Variants in RGS5 observed in about 807,000 individuals in gnomAD.
RGS5 encodes regulator of G protein signaling 5, also known as regulator of G-protein signalling 5.
Under a neutral mutation model 18.9 loss-of-function variants are expected in RGS5, and 20 were observed. That is an observed-to-expected ratio of 1.06 (90% CI 0.74 to 1.54). The LOEUF (loss-of-function observed/expected upper bound fraction) is 1.54. Among genes scored for constraint, RGS5 ranks in the 40% most tolerant of loss-of-function variants. The probability of loss-of-function intolerance (pLI) is 0.00; values close to 1 mark genes in which losing one functional copy is unlikely to be tolerated. For synonymous variants in RGS5, 57 were observed against 76.2 expected (o/e 0.75, Z 1.31); for missense variants, 201 against 211.8 (o/e 0.95, Z 0.32).
chr1:163,168,124 C>A, intron 2 of RGS5, 134 bp downstream of exon 2: 1 of 601,724 alleles, frequency 1.7e-6, no homozygotes, highest in Non-Finnish European at 2.9e-6. Flanking sequence ...CTTTGCAAAC[C>A]AACTCTCTGA....
At position 163,222,846 on chromosome 1, in the gene RGS5, T is replaced by C. The variant is rs937433571; in HGVS notation, c.-280-54478A>G. ...AAGCAAAATTTTAGTGAGCTGCTTC[T>C]CTATTTATTTTTTTATTTATTTATA... On this transcript the variant is annotated intron_variant, in intron 2 of 5. Transcript: ENST00000618415. Among the ~76,000 whole-genome samples the C allele has an allele frequency of 4.6e-5, 7 of 152,050 alleles. No homozygotes were observed. The East Asian group carries it at 5.8e-4, about 13-fold the overall frequency.
intron 1 of RGS5, among the ~76,000 whole-genome samples, chr1:163,177,885 T>C (rs1345709230): frequency 6.6e-6 from 1 of 152,150 alleles, no homozygotes; most frequent in African/African-American, 2.4e-5. Flanking sequence ...CAAAAGCAAA[T>C]GATAATTGAC....
chr1:163,240,188 C>T (rs1647751351), intron 2 of RGS5, among the ~76,000 whole-genome samples: 1 of 151,506 alleles, frequency 6.6e-6, no homozygotes, highest in South Asian at 2.1e-4. Context: ...TCATTATAGT[C>T]AGAAATTAGA....
At chr1:163,165,905 CA>C (rs150504306) in intron 2 of RGS5, among the ~76,000 whole-genome samples, 7 of 43,422 alleles carry the variant, frequency 1.6e-4, no homozygotes, top group Admixed American at 5.5e-4. Flanking sequence ...AATTCCGTCT[CA>C]AAAAAAAAAC....
At chr1:163,288,384 T>C (rs1378529302) in intron 2 of RGS5, among the ~76,000 whole-genome samples, 1 of 152,190 alleles carries the variant, frequency 6.6e-6, no homozygotes. Flanking sequence ...TCATCTGTTG[T>C]TCCACTGTGC....
At chr1:163,237,196 T>C (rs2999963) in intron 2 of RGS5, 14,720 of 152,346 alleles carry the variant, frequency 0.097, 1,395 homozygotes, top group African/African-American at 0.25. Flanking sequence ...CCTGTGAGGC[T>C]GCTGATGTAC....
At chr1:163,213,311 C>T (rs550820337) in intron 1 of RGS5, among the ~76,000 whole-genome samples, 1 of 152,250 alleles carries the variant, frequency 6.6e-6, no homozygotes, top group East Asian at 1.9e-4. Context: ...TTAAGTTTCC[C>T]TTGAAGCTAA....
At chr1:163,308,034 A>G (rs1649752170) in intron 1 of RGS5, among the ~76,000 whole-genome samples, 1 of 152,192 alleles carries the variant, frequency 6.6e-6, no homozygotes, top group African/African-American at 2.4e-5. Flanking sequence ...GAACTACTTT[A>G]AAGTGTGAGT....
At position 163,147,155 on chromosome 1, in the gene RGS5, G is replaced by C. The variant is rs1420642247; in HGVS notation, c.*187C>G. On this transcript the variant is annotated 3_prime_UTR_variant, in exon 5 of 5. Transcript: ENST00000313961. ...AGGAAGAATTGAGTGGGGAAAGAAG[G>C]CCTTCGGACAGTAGATAAGTATCCA... The C allele has an allele frequency of 2.3e-6, 1 of 443,004 alleles. No individual in the cohort carries two copies. The highest frequency in any genetic ancestry group is 2.0e-5 in the African/African-American group (1 of 49,216). The allele number at this position is 443,004 out of a possible 1,614,324, so 27.4% of individuals were successfully genotyped here.
chr1:163,311,557 G>A (rs1038360170), intron 1 of RGS5, among the ~76,000 whole-genome samples: 4 of 152,116 alleles, frequency 2.6e-5, no homozygotes, highest in African/African-American at 7.2e-5. Flanking sequence ...GACATTATAT[G>A]GTTATTAATT....
At chr1:163,321,692 G>A (rs1035425556) in exon 1 of RGS5, 1 of 152,094 alleles carries the variant, frequency 6.6e-6, no homozygotes, top group South Asian at 2.1e-4. Context: ...CTTCAACTCG[G>A]ACCCCGAAAA....
chr1:163,144,884 G>A lies in RGS5; in HGVS notation c.*2458C>T, dbSNP rs1170486149. ...TTTCTCATTTGGGGCTGGAATATTTGTATTCTTTTTAATTTTTTTACTTCA... is the reference window on the plus strand; with the variant it reads ...TTTCTCATTTGGGGCTGGAATATTTATATTCTTTTTAATTTTTTTACTTCA... On this transcript the variant is annotated 3_prime_UTR_variant, in exon 5 of 5. Transcript: ENST00000313961. The A allele has an allele frequency of 6.6e-6, 1 of 152,178 alleles. No individual in the cohort carries two copies. The highest frequency in any genetic ancestry group is 1.5e-5 in the Non-Finnish European group (1 of 67,954). 9.4% of individuals were successfully genotyped at this position (152,178 alleles called of 1,614,324 possible). A position where few individuals can be genotyped will look rare whatever the true frequency, so the allele number is the denominator to read the frequency against.
rs772501697 is a variant in RGS5, at chr1:163,152,660, C to G, written c.274G>C (p.Glu92Gln). The G allele has an allele frequency of 3.4e-5, 55 of 1,611,410 alleles. No individual in the cohort carries two copies. Among genetic ancestry groups the G allele is most frequent in the Non-Finnish European group, 4.2e-5 (50 of 1,178,770 alleles). ...LKSEFSEENL[E>Q]FWIACEDYKK... is the part of the protein sequence containing the mutation. Reference sequence around the variant, plus strand: ...TAATCCTCACAGGCAATCCAGAACTCAAGGTTTTCCTCACTGAATTCAGAC... The same window carrying G: ...TAATCCTCACAGGCAATCCAGAACTGAAGGTTTTCCTCACTGAATTCAGAC... The change falls in exon 4 of 5, where the codon GAG becomes CAG. Residue 92 changes from glutamate to glutamine, a missense_variant. Coordinates refer to ENST00000313961, the MANE Select transcript of RGS5 (RefSeq NM_003617.4).
At chr1:163,292,744 T>C (rs1271151066) in intron 2 of RGS5, among the ~76,000 whole-genome samples, 1 of 152,230 alleles carries the variant, frequency 6.6e-6, no homozygotes, top group Admixed American at 6.5e-5. Flanking sequence ...CAATGTGCTT[T>C]TGATTGGCAT....
At chr1:163,304,151 A>G (rs1649635221) in intron 2 of RGS5, 1 of 152,192 alleles carries the variant, frequency 6.6e-6, no homozygotes. Context: ...GGTTAATGAA[A>G]TGTGATTATA....
chr1:163,175,273 C>T (rs1161777226), intron 1 of RGS5, among the ~76,000 whole-genome samples: 2 of 152,072 alleles, frequency 1.3e-5, no homozygotes, highest in Non-Finnish European at 2.9e-5. Flanking sequence ...AGAGGTAGAA[C>T]CCAGCAGAGA....
intron 1 of RGS5, among the ~76,000 whole-genome samples, chr1:163,216,064 A>G (rs1449098199): frequency 1.3e-5 from 2 of 152,178 alleles, no homozygotes; most frequent in East Asian, 1.9e-4. Context: ...CTGATTCTGT[A>G]GGATGTTAGT....
chr1:163,188,121 C>CTGCA (rs1396825715), intron 1 of RGS5, among the ~76,000 whole-genome samples: 1 of 152,052 alleles, frequency 6.6e-6, no homozygotes, highest in Non-Finnish European at 1.5e-5. Flanking sequence ...TGCAGCTGCA[C>CTGCA]TGCACTCAGT....
At chr1:163,273,174 T>C (rs914348689) in intron 2 of RGS5, among the ~76,000 whole-genome samples, 17 of 152,130 alleles carry the variant, frequency 1.1e-4, no homozygotes, top group African/African-American at 4.1e-4. Context: ...ATCTGCAGAA[T>C]TTTCCAAATA....
Sources: gnomAD v4.1 joint callset for allele counts (sites outside exome capture counted in the v4.1 genomes callset) on GRCh38, gnomAD v4.1.1 for gene constraint, MANE v1.5 for transcripts, NCBI Gene and HGNC (gene_info 2026-07-23, HGNC 2026-07-21) for gene names.